Variants in CHD6 observed in about 807,000 individuals in gnomAD.
CHD6 encodes ATP-dependent chromatin remodeler CHD6.
In CHD6, 50 loss-of-function variants were observed where a neutral mutation model predicts 276.9. The ratio of observed to expected loss-of-function variants is 0.18; its 90% CI spans 0.14 to 0.23. CHD6 has a LOEUF of 0.23. Among genes scored for constraint, CHD6 ranks in the 10% least tolerant of loss-of-function variants. CHD6 has a pLI of 1.00. For synonymous variants in CHD6, 1,173 were observed against 1,229.3 expected (o/e 0.95, Z 0.96); for missense variants, 2,564 against 3,365.8 (o/e 0.76, Z 5.89).
In CHD6 at chr20:41,473,063, G is replaced by C; in HGVS notation, c.2664+259C>G. On this transcript the variant is annotated intron_variant, in intron 17 of 36. Transcript: ENST00000373233. The surrounding 1 kb of genome is among the most constrained non-coding windows in gnomAD (Gnocchi z 4.1). ...TTATTTCTGATAATAATAATAATTA[G>C]TAGTTCTAGTCTATATCTGGAGGCT... 2.6e-6 allele frequency: 1 copy of C among 389,510 alleles called. No homozygotes were observed. Among genetic ancestry groups the C allele is most frequent in the South Asian group, 7.4e-5 (1 of 13,518 alleles). The allele number at this position is 389,510 out of a possible 1,614,324, so 24.1% of individuals were successfully genotyped here. A position where few individuals can be genotyped will look rare whatever the true frequency, so the allele number is the denominator to read the frequency against.
rs538546077 is a variant in CHD6 at position 41,539,878 on chromosome 20, C to G, written c.34-6308G>C. Among the ~76,000 whole-genome samples, 21 of 152,202 alleles carry G rather than the reference C, an allele frequency of 1.4e-4. 1 individual carries two copies. The South Asian group carries it at 4.3e-3, about 32-fold the overall frequency. On this transcript the variant is annotated intron_variant, in intron 2 of 36. Coordinates refer to ENST00000373233, the MANE Select transcript of CHD6 (RefSeq NM_032221.5). ...ATAATACTACGCAACCATTATTATA[C>G]GGAGGTTTAAAAGACATGAAACATG...
chr20:41,594,381 C>A (rs1359557222), intron 1 of CHD6, among the ~76,000 whole-genome samples: 1 of 152,232 alleles, frequency 6.6e-6, no homozygotes, highest in Non-Finnish European at 1.5e-5. Context: ...AATCTAAAAT[C>A]AAAGTACTGG....
chr20:41,611,494 T>C (rs1264633009), intron 1 of CHD6, among the ~76,000 whole-genome samples: 2 of 152,212 alleles, frequency 1.3e-5, no homozygotes, highest in Admixed American at 6.5e-5. Context: ...TACTGAACAG[T>C]GCTGATCTAG....
chr20:41,426,763 T>C (rs945463673), intron 27 of CHD6, among the ~76,000 whole-genome samples: 7 of 152,196 alleles, frequency 4.6e-5, no homozygotes, highest in Non-Finnish European at 7.3e-5. Flanking sequence ...AGTCGGTGTA[T>C]GTGTCAAACC....
chr20:41,425,818 C>T (rs1021206723), intron 28 of CHD6, among the ~76,000 whole-genome samples: 23 of 151,718 alleles, frequency 1.5e-4, no homozygotes, highest in Non-Finnish European at 3.1e-4. Context: ...ACAAAAAAAA[C>T]CCGATGTCAT....
At chr20:41,572,459 G>C (rs1348761748) in intron 1 of CHD6, among the ~76,000 whole-genome samples, 1 of 152,126 alleles carries the variant, frequency 6.6e-6, no homozygotes, top group Non-Finnish European at 1.5e-5. Flanking sequence ...ATAGCCTCCT[G>C]ATGGCCTCTG....
At chr20:41,437,103 TA>T (rs2047733582) in intron 27 of CHD6, 170 bp downstream of exon 27, 1 of 572,752 alleles carries the variant, frequency 1.7e-6, no homozygotes, top group African/African-American at 1.9e-5. Context: ...TTAATTAGAA[TA>T]AAAATGCAAT....
rs766682401 is a variant in CHD6, at chr20:41,415,490, T to C, written c.6635A>G (p.His2212Arg). ...GGAGAGGTCCATAGCTGACTCCCCATGCCAGCCATTGAGGATGATAGGGGT... is the reference window on the plus strand; with the variant it reads ...GGAGAGGTCCATAGCTGACTCCCCACGCCAGCCATTGAGGATGATAGGGGT... ...GHTPIILNGW[H>R]GESAMDLSCS... Residue 2212 changes from histidine to arginine, a missense_variant, in exon 34 of 37, where the codon CAT becomes CGT. Transcript: ENST00000373233. 6.2e-6 allele frequency: 10 copies of C among 1,613,874 alleles called. No individual in the cohort carries two copies. The highest frequency in any genetic ancestry group is 6.8e-6 in the Non-Finnish European group (8 of 1,179,912).
At chr20:41,615,282 C>A (rs2035357059) in intron 1 of CHD6, among the ~76,000 whole-genome samples, 2 of 148,224 alleles carry the variant, frequency 1.3e-5, no homozygotes, top group Non-Finnish European at 3.0e-5. Context: ...GAGTACTGGA[C>A]AAACACCAGG....
chr20:41,412,227 A>G lies in CHD6; in HGVS notation c.7168T>C (p.Cys2390Arg). ...ACATCTAATTTTCCAGGTTCTTTAC[A>G]GCGTGGCCTCCTCTGCTTTGGTTTG... ...SDKPKQRRPRCKEPGKLDVSS... is the reference protein window; with the variant it reads ...SDKPKQRRPRRKEPGKLDVSS... The change falls in exon 36 of 37, where the codon TGT becomes CGT. Residue 2390 changes from cysteine to arginine, a missense_variant. Around this residue, in one of 7 missense-constraint regions of CHD6, gnomAD observed 1,024 missense variants for 1,047.9 expected, o/e 0.98. Transcript: ENST00000373233. 3 of 1,614,206 alleles carry G rather than the reference A, an allele frequency of 1.9e-6. No homozygotes were observed. The highest frequency in any genetic ancestry group is 2.5e-6 in the Non-Finnish European group (3 of 1,180,008).
chr20:41,424,030 G>A (rs983900718), intron 29 of CHD6, among the ~76,000 whole-genome samples: 1 of 152,110 alleles, frequency 6.6e-6, no homozygotes, highest in African/African-American at 2.4e-5. Context: ...GCCTGTAGAT[G>A]ATGAAGATTT....
rs143395402 is a variant in CHD6, at chr20:41,448,555, T to C, written c.3684-584A>G. Among the ~76,000 whole-genome samples the C allele has an allele frequency of 2.5e-3, 378 of 152,360 alleles. 2 individuals carry two copies. The highest frequency in any genetic ancestry group is 8.8e-3 in the African/African-American group (367 of 41,586). The stretch of plus-strand genomic sequence containing the variant: ...GGCAACTACTATATGCTCTGCATCA[T>C]GCCGGGTGCTATAGGTATATAACAA... On this transcript the variant is annotated intron_variant, in intron 23 of 36. Transcript: ENST00000373233.
chr20:41,548,650 T>TA (rs2045090549), intron 2 of CHD6, among the ~76,000 whole-genome samples: 3 of 152,104 alleles, frequency 2.0e-5, no homozygotes, highest in African/African-American at 4.8e-5. Flanking sequence ...AAATGGGATC[T>TA]AATTAAACTA....
In CHD6 at chr20:41,589,818, C is replaced by T. The variant is rs139034522; in HGVS notation, c.-24+28522G>A. 6.1e-3 allele frequency among the ~76,000 whole-genome samples: 922 copies of T among 152,282 alleles called. 6 individuals are homozygous for T. The highest frequency in any genetic ancestry group is 0.017 in the Middle Eastern group (5 of 294). On this transcript the variant is annotated intron_variant, in intron 1 of 36. Transcript: ENST00000373233. ...CCAAGGTAATTTATAGCTTCAATGC[C>T]ATCCCCATCAAGCTATCACTTTCTT...
At chr20:41,405,683 C>T (rs1460290554) in intron 36 of CHD6, among the ~76,000 whole-genome samples, 194 bp from the exon 37 acceptor site, 3 of 152,212 alleles carry the variant, frequency 2.0e-5, no homozygotes, top group Non-Finnish European at 4.4e-5. Context: ...CCCTCAGCAG[C>T]TGAGAACATT....
chr20:41,422,083 G>C lies in CHD6; in HGVS notation c.4556-4C>G, dbSNP rs1569060465. ...TAGATGGTGGTATCTGGGGGACCTG[G>C]AGAGAAAGGGAAATAAAGCCTATCA... On this transcript the variant is annotated splice_polypyrimidine_tract_variant and splice_region_variant and intron_variant, in intron 30 of 36. Coordinates refer to ENST00000373233, the MANE Select transcript of CHD6 (RefSeq NM_032221.5). 3 of 1,597,786 alleles carry C rather than the reference G, an allele frequency of 1.9e-6. No homozygotes were observed. Among genetic ancestry groups the C allele is most frequent in the Non-Finnish European group, 2.6e-6 (3 of 1,170,068 alleles).
chr20:41,487,138 G>C (rs1363435937), intron 14 of CHD6, among the ~76,000 whole-genome samples: 1 of 152,192 alleles, frequency 6.6e-6, no homozygotes, highest in Non-Finnish European at 1.5e-5. Context: ...CAACAAGGTA[G>C]ACTTGGAACT....
chr20:41,531,037 C>T (rs967511027), intron 3 of CHD6, among the ~76,000 whole-genome samples: 2 of 152,162 alleles, frequency 1.3e-5, no homozygotes, highest in Non-Finnish European at 2.9e-5. Context: ...CCTGATTTTG[C>T]CTATACATTT....
At chr20:41,527,692 A>T (rs2044576913) in intron 3 of CHD6, among the ~76,000 whole-genome samples, 1 of 152,242 alleles carries the variant, frequency 6.6e-6, no homozygotes, top group Non-Finnish European at 1.5e-5. Flanking sequence ...CATTAGATGC[A>T]AAAACTGTTG....
Sources: allele counts gnomAD v4.1 joint callset (sites outside exome capture counted in the v4.1 genomes callset), GRCh38; gene constraint gnomAD v4.1.1; regional missense constraint gnomAD v4.1.1; non-coding constraint Gnocchi (gnomAD v3.1); transcripts MANE v1.5; gene names NCBI Gene and HGNC (gene_info 2026-07-23, HGNC 2026-07-21).